The following TRIM64C variants were observed in gnomAD, a reference collection of about 807,000 sequenced individuals.
The protein encoded by TRIM64C is tripartite motif-containing protein 64C.
A neutral mutation model predicts 36.1 loss-of-function variants in TRIM64C; 25 were observed. That is an observed-to-expected ratio of 0.69 (90% CI 0.51 to 0.97). The LOEUF (loss-of-function observed/expected upper bound fraction) is 0.97, where lower values mean the gene tolerates loss of function less well. Among genes scored for constraint, TRIM64C ranks in the 50% least tolerant of loss-of-function variants. TRIM64C has a pLI of 0.00. For missense variants in TRIM64C, 489 were observed against 536.8 expected (o/e 0.91, Z 0.88); for synonymous variants, 212 against 185.7 (o/e 1.14, Z -1.15).
chr11:49,054,259 T>C, intron 5 of TRIM64C, 52 bp from the exon 6 acceptor site: 1 of 1,509,242 alleles, frequency 6.6e-7, no homozygotes, highest in Non-Finnish European at 8.9e-7. Context: ...ACAGAGGCTC[T>C]GTGGCCCAAT....
At position 49,055,362 on chromosome 11, in the gene TRIM64C, C is replaced by A; in HGVS notation, c.807G>T (p.Glu269Asp). The A allele has an allele frequency of 6.5e-7, 1 of 1,535,784 alleles. No homozygotes were observed. The highest frequency in any genetic ancestry group is 8.7e-7 in the Non-Finnish European group (1 of 1,146,852). Residue 269 changes from glutamate (E) to aspartate (D), a missense_variant, in exon 5 of 6, where the codon GAG (glutamate) becomes GAT (aspartate). By Grantham distance (45) the Glu-to-Asp change is conservative. Transcript: ENST00000617704. ...CTCCAGTTATGCACCATGAAGTGAG[C>A]TCTGGGTTCACTGGCTGGGGCTTTG... ...QMPKPQPVNP[E>D]LTSWCITGVL... is the part of the protein sequence containing the mutation.
At chr11:49,057,445 A>T in intron 2 of TRIM64C, 67 bp from the exon 3 acceptor site, 2 of 1,482,146 alleles carry the variant, frequency 1.3e-6, no homozygotes. Context: ...AAATAATTAT[A>T]TGCTGGGTGT....
At chr11:49,055,868 C>G (rs1735128594) in intron 4 of TRIM64C, among the ~76,000 whole-genome samples, 1 of 152,116 alleles carries the variant, frequency 6.6e-6, no homozygotes, top group Non-Finnish European at 1.5e-5. Flanking sequence ...GCCTGAGAAC[C>G]CTGCTGCTGA....
At chr11:49,058,024 A>G in intron 2 of TRIM64C, 54 bp downstream of exon 2, 1 of 1,270,456 alleles carries the variant, frequency 7.9e-7, no homozygotes, top group Non-Finnish European at 1.1e-6. Context: ...AAAAAGTATA[A>G]GCCAACTTTG....
In TRIM64C at chr11:49,058,911, C is replaced by T; in HGVS notation, c.202G>A (p.Val68Met). 3.9e-6 allele frequency: 6 copies of T among 1,550,940 alleles called. No homozygotes were observed. Among genetic ancestry groups the T allele is most frequent in the Non-Finnish European group, 4.4e-6 (5 of 1,146,922 alleles). The change falls in exon 1 of 6, where the codon GTG becomes ATG. Residue 68 changes from valine to methionine, a missense_variant. Val to Met is a conservative substitution (Grantham distance 21). Coordinates refer to ENST00000617704, the MANE Select transcript of TRIM64C (RefSeq NM_001206631.1). Reference sequence around the variant, plus strand: ...AGGGAAGCCAGCTTTTTGAGTGCCACATTGGTGTTGAAGTTGGGCTTCTCT... The same window carrying T: ...AGGGAAGCCAGCTTTTTGAGTGCCATATTGGTGTTGAAGTTGGGCTTCTCT... ...ISEKPNFNTN[V>M]ALKKLASLAR...
chr11:49,054,016 A>T lies in TRIM64C; in HGVS notation c.1051T>A (p.Ser351Thr). 1 of 1,551,600 alleles carries T rather than the reference A, an allele frequency of 6.4e-7. No individual in the cohort carries two copies. Among genetic ancestry groups the T allele is most frequent in the Non-Finnish European group, 8.7e-7 (1 of 1,146,852 alleles). ...CGACAGACTCCCAGAATCCAGTTGG[A>T]GGAGTGGGTCACATCCACTTCCCAG... ...HYWEVDVTHS[S>T]NWILGVCRDS... The change falls in exon 6 of 6, where the codon TCC (serine) becomes ACC (threonine). Residue 351 changes from serine (S) to threonine (T), a missense_variant. Ser to Thr is a moderately conservative substitution (Grantham distance 58, BLOSUM62 1). Transcript: ENST00000617704.
intron 4 of TRIM64C, 36 bp from the exon 5 acceptor site, chr11:49,055,443 G>C (rs1854802364): frequency 6.5e-7 from 1 of 1,533,560 alleles, no homozygotes; most frequent in African/African-American, 1.4e-5. Flanking sequence ...ATATTTCCAG[G>C]ACCAGAGCTA....
intron 2 of TRIM64C, 84 bp from the exon 3 acceptor site, chr11:49,057,462 G>A (rs1854827013): frequency 1.0e-5 from 14 of 1,381,312 alleles, no homozygotes; most frequent in Middle Eastern, 2.5e-4. Context: ...GTGTAATCAA[G>A]CAATTTATAA....
In TRIM64C at chr11:49,056,398, A is replaced by T; in HGVS notation, c.739-17T>A. 1.3e-6 allele frequency: 2 copies of T among 1,535,190 alleles called. No individual in the cohort carries two copies. The highest frequency in any genetic ancestry group is 1.8e-6 in the Non-Finnish European group (2 of 1,134,128). On this transcript the variant is annotated splice_polypyrimidine_tract_variant and intron_variant, in intron 3 of 5. Coordinates refer to ENST00000617704, the MANE Select transcript of TRIM64C (RefSeq NM_001206631.1). ...TCCCACATCCTGCAAAAAAAATAAAATGTAATGTTAATTATGAGAGATTTT... is the reference window on the plus strand; with the variant it reads ...TCCCACATCCTGCAAAAAAAATAAATTGTAATGTTAATTATGAGAGATTTT...
rs959673745 is a variant in TRIM64C, at chr11:49,058,925, T to C, written c.188A>G (p.Asn63Ser). The C allele has an allele frequency of 2.6e-6, 4 of 1,551,166 alleles. No individual in the cohort carries two copies. The highest frequency in any genetic ancestry group is 3.5e-6 in the Non-Finnish European group (4 of 1,146,924). ...PLCRKISEKP[N>S]FNTNVALKKL... ...TTTGAGTGCCACATTGGTGTTGAAG[T>C]TGGGCTTCTCTGAGATTTTTCTGCA... is the stretch of plus-strand genomic sequence containing the variant. Residue 63 changes from asparagine (N) to serine (S), a missense_variant, in exon 1 of 6, where the codon AAC (asparagine) becomes AGC (serine). Physicochemically the swap from Asn to Ser is conservative, Grantham distance 46 (BLOSUM62 1). Transcript: ENST00000617704.
chr11:49,055,908 C>G (rs1854807059), intron 4 of TRIM64C, among the ~76,000 whole-genome samples: 1 of 152,136 alleles, frequency 6.6e-6, no homozygotes, highest in South Asian at 2.1e-4. Flanking sequence ...TTCCTGAGGT[C>G]TTTCCTAGAA....
At position 49,057,163 on chromosome 11, in the gene TRIM64C, G is replaced by T; in HGVS notation, c.723C>A (p.Asp241Glu). The change falls in exon 3 of 6, where the codon GAC (aspartate) becomes GAA (glutamate). Residue 241 changes from aspartate (D) to glutamate (E), a missense_variant. Physicochemically the swap from Asp to Glu is conservative, Grantham distance 45. Transcript: ENST00000617704. ...RELWETYHMP[D>E]VELLQDVGNI... Reference sequence around the variant, plus strand: ...CCCTCCTCACCTGGAGCAGCTCCACGTCAGGCATGTGGTATGTCTCCCACA... The same window carrying T: ...CCCTCCTCACCTGGAGCAGCTCCACTTCAGGCATGTGGTATGTCTCCCACA... 1 of 1,549,332 alleles carries T rather than the reference G, an allele frequency of 6.5e-7. No homozygotes were observed. Among genetic ancestry groups the T allele is most frequent in the Non-Finnish European group, 8.7e-7 (1 of 1,146,868 alleles).
At position 49,053,941 on chromosome 11, in the gene TRIM64C, AT is replaced by A. The variant is rs1565097353; in HGVS notation, c.1125del (p.Ser378GlnfsTer19). On this transcript the variant is annotated frameshift_variant, in exon 6 of 6. Coordinates refer to ENST00000617704, the MANE Select transcript of TRIM64C (RefSeq NM_001206631.1). LOFTEE classifies it low-confidence loss of function (END_TRUNC). The stretch of plus-strand genomic sequence containing the variant: ...CTCGTCTTTGAAGAAATTGAAAAAA[AT>A]GTTTTGTCAGAATCAATAACTATAT... The part of the protein sequence containing the change: ...DTNIVIDSDK[T>X]FFSISSKTSN... 6.4e-7 allele frequency: 1 copy of A among 1,551,604 alleles called. No homozygotes were observed. The highest frequency in any genetic ancestry group is 8.7e-7 in the Non-Finnish European group (1 of 1,146,848).
Position 49,057,200 on chromosome 11 carries a change from A to C in TRIM64C, c.686T>G (p.Met229Arg). Residue 229 changes from methionine (M) to arginine (R), a missense_variant, in exon 3 of 6, where the codon ATG becomes AGG. Transcript: ENST00000617704. ...GTATGTCTCCCACAGCTCTCTGTAC[A>C]TGTCTTTCATCCCTTCTAAATGTTG... ...MTQHLEGMKD[M>R]YRELWETYHM... 1.3e-6 allele frequency: 2 copies of C among 1,549,572 alleles called. No homozygotes were observed. Among genetic ancestry groups the C allele is most frequent in the Non-Finnish European group, 1.7e-6 (2 of 1,146,926 alleles).
At chr11:49,056,500 C>T in intron 3 of TRIM64C, 119 bp from the exon 4 acceptor site, 1 of 843,386 alleles carries the variant, frequency 1.2e-6, no homozygotes, top group East Asian at 2.8e-5. Flanking sequence ...TTATTCCCCT[C>T]TAAGGAATCA....
chr11:49,056,381 C>T lies in TRIM64C; in HGVS notation c.739G>A (p.Asp247Asn). 3 of 1,541,324 alleles carry T rather than the reference C, an allele frequency of 1.9e-6. No individual in the cohort carries two copies. Among genetic ancestry groups the T allele is most frequent in the Non-Finnish European group, 2.6e-6 (3 of 1,140,366 alleles). Residue 247 changes from aspartate to asparagine, a missense_variant and splice_region_variant, in exon 4 of 6, where the codon GAT becomes AAT. By Grantham distance (23) the Asp-to-Asn change is conservative (BLOSUM62 1). Transcript: ENST00000617704. Reference sequence around the variant, plus strand: ...CACCTTGCCGATATATTTCCCACATCCTGCAAAAAAAATAAAATGTAATGT... The same window carrying T: ...CACCTTGCCGATATATTTCCCACATTCTGCAAAAAAAATAAAATGTAATGT... ...YHMPDVELLQ[D>N]VGNISARTDL...
rs1189919175 is a variant in TRIM64C at position 49,056,353 on chromosome 11, A to G, written c.761+6T>C. ...AGAAATAGCATTTTTTTTAGTGTAA[A>G]CTCACCTTGCCGATATATTTCCCAC... On this transcript the variant is annotated splice_donor_region_variant and intron_variant, in intron 4 of 5. Transcript: ENST00000617704. The G allele has an allele frequency of 1.3e-6, 2 of 1,540,920 alleles. No individual in the cohort carries two copies. The highest frequency in any genetic ancestry group is 4.9e-5 in the East Asian group (2 of 40,728).
At chr11:49,057,085 A>G (rs1173111955) in intron 3 of TRIM64C, 63 bp downstream of exon 3, 3 of 1,538,364 alleles carry the variant, frequency 2.0e-6, no homozygotes, top group Admixed American at 2.0e-5. Flanking sequence ...TGACATTTGC[A>G]TGTCCTGGCA....
rs1423412990 is a variant in TRIM64C, at chr11:49,055,389, C to A, written c.780G>T (p.Met260Ile). 1.3e-6 allele frequency: 2 copies of A among 1,522,786 alleles called. No homozygotes were observed. The highest frequency in any genetic ancestry group is 4.9e-5 in the East Asian group (2 of 40,566). The allele number at this position is 1,522,786 out of a possible 1,614,324, so 94.3% of individuals were successfully genotyped here. The change falls in exon 5 of 6, where the codon ATG becomes ATT. Residue 260 changes from methionine to isoleucine, a missense_variant. Coordinates refer to ENST00000617704, the MANE Select transcript of TRIM64C (RefSeq NM_001206631.1). Reference sequence around the variant, plus strand: ...CTGGGTTCACTGGCTGGGGCTTTGGCATCTGTGCCAAATCAGTTCTGCAAA... The same window carrying A: ...CTGGGTTCACTGGCTGGGGCTTTGGAATCTGTGCCAAATCAGTTCTGCAAA... ...NISARTDLAQ[M>I]PKPQPVNPEL...
Sources: gnomAD v4.1 joint callset for allele counts (sites outside exome capture counted in the v4.1 genomes callset) on GRCh38, gnomAD v4.1.1 for gene constraint, MANE v1.5 for transcripts, NCBI Gene and HGNC (gene_info 2026-07-23, HGNC 2026-07-21) for gene names.